Variants in NSG2 observed in about 807,000 individuals in gnomAD.
NSG2 encodes the protein neuronal vesicle trafficking-associated protein 2.
NSG2 carries 4 observed loss-of-function variants against 16.9 expected under a neutral mutation model. The ratio of observed to expected loss-of-function variants is 0.24; its 90% CI spans 0.12 to 0.54. The LOEUF is 0.54. Ranked by LOEUF, NSG2 falls within the 20% of genes least tolerant of loss-of-function variation. NSG2 has a pLI of 0.95. For missense variants in NSG2, 179 were observed against 221.1 expected, an observed-to-expected ratio of 0.81 and a Z score of 1.21; for synonymous variants, 98 against 88.7, an observed-to-expected ratio of 1.11 and a Z score of -0.59.
At chr5:174,068,479 T>A (rs1760180031) in intron 3 of NSG2, among the ~76,000 whole-genome samples, 1 of 152,064 alleles carries the variant, frequency 6.6e-6, no homozygotes, top group African/African-American at 2.4e-5. Context: ...TTGCTATGGA[T>A]GGTGCTGGTG....
At chr5:174,046,598 T>C in intron 1 of NSG2, 136 bp from the exon 2 acceptor site, 1 of 673,514 alleles carries the variant, frequency 1.5e-6, no homozygotes, top group South Asian at 2.2e-5. Context: ...GGAAATCTAG[T>C]GGAAGATCAA....
chr5:174,054,808 G>A (rs1037819895), intron 2 of NSG2, among the ~76,000 whole-genome samples: 11 of 152,162 alleles, frequency 7.2e-5, no homozygotes, highest in African/African-American at 2.4e-4. Context: ...TGTACAGGGA[G>A]GTGTCAGAAT....
intron 2 of NSG2, among the ~76,000 whole-genome samples, chr5:174,061,909 CTTTTTTTTTT>C (rs11426817): frequency 8.6e-6 from 1 of 116,638 alleles, no homozygotes; most frequent in South Asian, 2.9e-4. Context: ...AGCCCCCAAA[CTTTTTTTTTT>C]TTTTTTTTTT....
rs151112690 is a variant in NSG2 at position 174,068,886 on chromosome 5, A to G, written c.213+4571A>G. 5.7e-3 allele frequency among the ~76,000 whole-genome samples: 830 copies of G among 145,578 alleles called. 12 individuals are homozygous for G. The highest frequency in any genetic ancestry group is 0.021 in the African/African-American group (795 of 38,592). ...TGTGGAAGGTGCTGGTGTCGTGGGAATCCTGGTGCTATGGAAGGTGCTGGT... is the reference window on the plus strand; with the variant it reads ...TGTGGAAGGTGCTGGTGTCGTGGGAGTCCTGGTGCTATGGAAGGTGCTGGT... On this transcript the variant is annotated intron_variant, in intron 3 of 4. Transcript: ENST00000303177.
intron 3 of NSG2, among the ~76,000 whole-genome samples, chr5:174,075,210 T>C (rs918306339): frequency 1.3e-4 from 20 of 152,170 alleles, no homozygotes; most frequent in African/African-American, 4.8e-4. Context: ...ATATTTTTAA[T>C]ATACGGATGA....
intron 3 of NSG2, among the ~76,000 whole-genome samples, chr5:174,090,643 T>A (rs1760706923): frequency 6.6e-6 from 1 of 152,176 alleles, no homozygotes; most frequent in Admixed American, 6.5e-5. Flanking sequence ...AACTGTTTTG[T>A]GTGAAAACGC....
chr5:174,050,722 G>T (rs1759875222), intron 2 of NSG2, among the ~76,000 whole-genome samples: 1 of 152,090 alleles, frequency 6.6e-6, no homozygotes, highest in Non-Finnish European at 1.5e-5. Context: ...GACCTGGAAG[G>T]GACCTGGACT....
intron 3 of NSG2, among the ~76,000 whole-genome samples, chr5:174,073,552 G>C (rs1025921940): frequency 6.6e-6 from 1 of 152,196 alleles, no homozygotes; most frequent in Non-Finnish European, 1.5e-5. Flanking sequence ...GAAGATGCTG[G>C]CCTATGTTTT....
intron 3 of NSG2, among the ~76,000 whole-genome samples, chr5:174,103,502 C>A (rs571681527): frequency 4.6e-5 from 7 of 152,198 alleles, no homozygotes; most frequent in African/African-American, 1.7e-4. Flanking sequence ...GCGAAAGAAG[C>A]AGTTGATGTC....
At chr5:174,094,595 A>T (rs912973935) in intron 3 of NSG2, among the ~76,000 whole-genome samples, 4 of 152,212 alleles carry the variant, frequency 2.6e-5, no homozygotes, top group African/African-American at 9.6e-5. Context: ...ACTTTCCAGA[A>T]TGCAGGGTCC....
At chr5:174,090,988 C>T (rs1236493206) in intron 3 of NSG2, among the ~76,000 whole-genome samples, 1 of 151,784 alleles carries the variant, frequency 6.6e-6, no homozygotes, top group Non-Finnish European at 1.5e-5. Flanking sequence ...TTTTCCAAAC[C>T]AACTTTGCTG....
At chr5:174,054,701 AT>A (rs1759940465) in intron 2 of NSG2, among the ~76,000 whole-genome samples, 2 of 152,162 alleles carry the variant, frequency 1.3e-5, no homozygotes, top group African/African-American at 4.8e-5. Context: ...TTAAAAAAAA[AT>A]CACCCCCATT....
intron 3 of NSG2, among the ~76,000 whole-genome samples, chr5:174,070,814 C>T (rs1760226024): frequency 6.6e-6 from 1 of 152,174 alleles, no homozygotes; most frequent in Admixed American, 6.5e-5. Context: ...CCTGCAGCCC[C>T]CTCTAGCTTC....
At chr5:174,091,945 T>G (rs1237404684) in intron 3 of NSG2, among the ~76,000 whole-genome samples, 5 of 152,210 alleles carry the variant, frequency 3.3e-5, no homozygotes, top group Admixed American at 6.5e-5. Context: ...CTTAGTGAGA[T>G]GATACTTGTC....
chr5:174,046,368 T>C (rs1206590845), intron 1 of NSG2, among the ~76,000 whole-genome samples: 1 of 151,744 alleles, frequency 6.6e-6, no homozygotes, highest in African/African-American at 2.4e-5. Flanking sequence ...GGGGGTGGTA[T>C]AATAGGACTT....
intron 2 of NSG2, among the ~76,000 whole-genome samples, chr5:174,049,956 C>T (rs1297416448): frequency 2.0e-5 from 3 of 152,164 alleles, no homozygotes; most frequent in African/African-American, 7.2e-5. Flanking sequence ...GAAGCCACCT[C>T]TTTAGGTGGG....
intron 3 of NSG2, among the ~76,000 whole-genome samples, chr5:174,068,674 A>G (rs928579100): frequency 6.8e-6 from 1 of 147,892 alleles, no homozygotes; most frequent in Non-Finnish European, 1.5e-5. Context: ...TGTCATAGTG[A>G]TTCTGGTGCT....
chr5:174,046,615 A>G, intron 1 of NSG2, 119 bp from the exon 2 acceptor site: 1 of 781,614 alleles, frequency 1.3e-6, no homozygotes, highest in Non-Finnish European at 2.1e-6. Flanking sequence ...TCAATGACTG[A>G]TCACTAGATT....
chr5:174,095,969 C>G (rs1274078278), intron 3 of NSG2, among the ~76,000 whole-genome samples: 4 of 152,232 alleles, frequency 2.6e-5, no homozygotes, highest in Non-Finnish European at 4.4e-5. Context: ...AGAGCCCAGG[C>G]CACACTACAT....
Sources: gnomAD v4.1 joint callset for allele counts (sites outside exome capture counted in the v4.1 genomes callset) on GRCh38, gnomAD v4.1.1 for gene constraint, MANE v1.5 for transcripts, NCBI Gene and HGNC (gene_info 2026-07-23, HGNC 2026-07-21) for gene names.